ADAMTS9: variants seen among roughly 807,000 people sequenced by gnomAD.
ADAMTS9 encodes ADAM metallopeptidase with thrombospondin type 1 motif 9.
ADAMTS9 carries 107 observed loss-of-function variants against 257.1 expected under a neutral mutation model. The observed-to-expected ratio is 0.42, with a 90% CI of 0.36 to 0.49. The LOEUF (loss-of-function observed/expected upper bound fraction) is 0.49. Among genes scored for constraint, ADAMTS9 ranks in the 20% least tolerant of loss-of-function variants. The probability of loss-of-function intolerance (pLI) is 0.03; values close to 1 mark genes in which losing one functional copy is unlikely to be tolerated. For synonymous variants in ADAMTS9, 982 were observed against 880.9 expected, an observed-to-expected ratio of 1.11 and a Z score of -2.03; for missense variants, 2,353 against 2,469.1, an observed-to-expected ratio of 0.95 and a Z score of 1.00.
At chr3:64,645,259 G>T (rs1184155452) in intron 11 of ADAMTS9, among the ~76,000 whole-genome samples, 1 of 152,150 alleles carries the variant, frequency 6.6e-6, no homozygotes, top group Non-Finnish European at 1.5e-5. Context: ...TAAGAGGTTG[G>T]AATGGGGACT....
intron 3 of ADAMTS9, among the ~76,000 whole-genome samples, chr3:64,671,492 G>A (rs553914811): frequency 7.2e-5 from 11 of 152,102 alleles, no homozygotes; most frequent in South Asian, 6.2e-4. Context: ...TAGGAAACAC[G>A]AATGGAAAAT....
intron 3 of ADAMTS9, among the ~76,000 whole-genome samples, chr3:64,669,057 A>G (rs574786877): frequency 1.4e-4 from 21 of 152,238 alleles, no homozygotes; most frequent in South Asian, 8.3e-4. Flanking sequence ...CTGTGCTCCA[A>G]TGACCAGTGA....
intron 12 of ADAMTS9, among the ~76,000 whole-genome samples, chr3:64,640,145 T>C (rs1381158794): frequency 6.6e-6 from 1 of 152,226 alleles, no homozygotes. Flanking sequence ...GTTAGTTTTA[T>C]GGAACAGAGT....
At chr3:64,661,560 G>T (rs577355106) in intron 3 of ADAMTS9, among the ~76,000 whole-genome samples, 1 of 152,170 alleles carries the variant, frequency 6.6e-6, no homozygotes, top group East Asian at 1.9e-4. Flanking sequence ...GGAATCAGTC[G>T]TAGATTTGCT....
intron 9 of ADAMTS9, chr3:64,650,557 G>C (rs1700908388): frequency 6.4e-6 from 1 of 155,650 alleles, no homozygotes; most frequent in South Asian, 2.0e-4. Context: ...CGCAGAGAGA[G>C]AATGTCCTCA....
At chr3:64,608,590 G>T (rs1464597402) in intron 22 of ADAMTS9, among the ~76,000 whole-genome samples, 6 of 151,922 alleles carry the variant, frequency 3.9e-5, no homozygotes, top group Non-Finnish European at 8.8e-5. Flanking sequence ...ACTGACTCAA[G>T]AAGAAATAAA....
intron 12 of ADAMTS9, among the ~76,000 whole-genome samples, chr3:64,638,711 T>C (rs1372531564): frequency 1.3e-5 from 2 of 152,184 alleles, no homozygotes; most frequent in South Asian, 2.1e-4. Flanking sequence ...GTATGGTCTC[T>C]ACAGCTTGTT....
chr3:64,557,670 C>T (rs971769516), intron 30 of ADAMTS9, among the ~76,000 whole-genome samples: 1 of 152,212 alleles, frequency 6.6e-6, no homozygotes, highest in Non-Finnish European at 1.5e-5. Context: ...CATGTCGAAT[C>T]ATGTCATCTC....
intron 6 of ADAMTS9, 54 bp from the exon 7 acceptor site, chr3:64,654,666 C>T: frequency 2.5e-6 from 4 of 1,588,316 alleles, no homozygotes; most frequent in South Asian, 2.2e-5. Flanking sequence ...AATGTCAATA[C>T]AAGTAAATAC....
rs1700682647 is a variant in ADAMTS9, at chr3:64,642,724, T to C, written c.1711-731A>G. 2.0e-5 allele frequency among the ~76,000 whole-genome samples: 3 copies of C among 152,106 alleles called. No individual in the cohort carries two copies. In the South Asian group the frequency reaches 6.2e-4, roughly 32 times the overall value. On this transcript the variant is annotated intron_variant, in intron 11 of 39. Transcript: ENST00000498707. Reference sequence around the variant, plus strand: ...GTGAAGCCCTGACACAAAGCCGAGGTCACTGAGCAGTGGACAAAGGAAAAG... The same window carrying C: ...GTGAAGCCCTGACACAAAGCCGAGGCCACTGAGCAGTGGACAAAGGAAAAG...
chr3:64,630,029 G>C (rs1162197483), intron 16 of ADAMTS9, among the ~76,000 whole-genome samples: 2 of 150,528 alleles, frequency 1.3e-5, no homozygotes, highest in African/African-American at 2.5e-5. Flanking sequence ...AATAAATAGA[G>C]TTCCTGCCTG....
chr3:64,658,481 C>T (rs924744165), intron 4 of ADAMTS9, 21 bp downstream of exon 4: 1 of 1,599,740 alleles, frequency 6.3e-7, no homozygotes. Context: ...TCATAAATCA[C>T]CTTCGTTTGA....
chr3:64,621,561 A>G (rs909335314), intron 18 of ADAMTS9, among the ~76,000 whole-genome samples: 4 of 152,080 alleles, frequency 2.6e-5, no homozygotes, highest in Non-Finnish European at 5.9e-5. Context: ...CAGATGTTTG[A>G]GAACAGCCTG....
At chr3:64,588,687 C>T (rs1471522655) in intron 28 of ADAMTS9, 3 of 152,148 alleles carry the variant, frequency 2.0e-5, no homozygotes, top group South Asian at 4.1e-4. Context: ...CCCTGCTCCC[C>T]CAACCTGTGG....
At chr3:64,649,606 ATG>A (rs1489808308) in intron 10 of ADAMTS9, 29 bp downstream of exon 10, 2 of 1,579,396 alleles carry the variant, frequency 1.3e-6, no homozygotes, top group South Asian at 2.3e-5. Context: ...GAATCAGTAG[ATG>A]AGGGCAGAAG....
At chr3:64,680,329 A>G (rs1701721981) in intron 3 of ADAMTS9, among the ~76,000 whole-genome samples, 2 of 152,330 alleles carry the variant, frequency 1.3e-5, no homozygotes, top group Non-Finnish European at 2.9e-5. Flanking sequence ...AATAGAAAGA[A>G]AGATAAAGTT....
At chr3:64,610,001 G>A (rs563552083) in intron 22 of ADAMTS9, among the ~76,000 whole-genome samples, 9 of 152,268 alleles carry the variant, frequency 5.9e-5, no homozygotes, top group African/African-American at 2.2e-4. Flanking sequence ...AGAGTGCCAA[G>A]ACCACTCAAT....
At chr3:64,647,612 G>C (rs1700829793) in intron 11 of ADAMTS9, among the ~76,000 whole-genome samples, 1 of 152,088 alleles carries the variant, frequency 6.6e-6, no homozygotes, top group Non-Finnish European at 1.5e-5. Context: ...CAAAAGAGAA[G>C]AAAAAGAAAC....
At chr3:64,568,616 T>C in intron 28 of ADAMTS9, 81 bp from the exon 29 acceptor site, 1 of 1,501,210 alleles carries the variant, frequency 6.7e-7, no homozygotes, top group South Asian at 1.2e-5. Flanking sequence ...CTTGAGATGT[T>C]AAGACAATGC....
Sources: allele counts gnomAD v4.1 joint callset (sites outside exome capture counted in the v4.1 genomes callset), GRCh38; gene constraint gnomAD v4.1.1; transcripts MANE v1.5; gene names NCBI Gene and HGNC (gene_info 2026-07-23, HGNC 2026-07-21).